DIPK1B: variants seen among roughly 807,000 people sequenced by gnomAD.
DIPK1B encodes divergent protein kinase domain 1B.
A neutral mutation model predicts 20.7 loss-of-function variants in DIPK1B; 17 were observed. That is an observed-to-expected ratio of 0.82 (90% confidence interval 0.56 to 1.23). The LOEUF is 1.23. DIPK1B is among the 50% of genes most tolerant of loss of function. DIPK1B has a pLI of 0.00. For synonymous variants in DIPK1B, 343 were observed against 276.5 expected (o/e 1.24, Z -2.39); for missense variants, 648 against 601.8 (o/e 1.08, Z -0.80).
At chr9:136,722,860 T>G (rs1436638276) in intron 4 of DIPK1B, 102 bp from the exon 5 acceptor site, 1 of 1,244,552 alleles carries the variant, frequency 8.0e-7, no homozygotes, top group Non-Finnish European at 1.1e-6. Flanking sequence ...TGTGCTGGTC[T>G]GGCCGGCAGA....
At chr9:136,718,342 CT>C (rs1304224933) in intron 2 of DIPK1B, among the ~76,000 whole-genome samples, 1 of 152,064 alleles carries the variant, frequency 6.6e-6, no homozygotes, top group Non-Finnish European at 1.5e-5. Context: ...CAGGGGTCCC[CT>C]GAGGCAGGTG....
In DIPK1B at chr9:136,722,045, G is replaced by A. The variant is rs750256638; in HGVS notation, c.306+17G>A. 3 of 1,613,368 alleles carry A rather than the reference G, an allele frequency of 1.9e-6. No homozygotes were observed. In the African/African-American group the frequency reaches 4.0e-5, roughly 22 times the overall value. Reference sequence around the variant, plus strand: ...GGCCAGCAGGTATAGCCACTGGCAGGGCGGGTGGGCCTGGGGCTGATACTG... The same window carrying A: ...GGCCAGCAGGTATAGCCACTGGCAGAGCGGGTGGGCCTGGGGCTGATACTG... On this transcript the variant is annotated intron_variant, in intron 3 of 4. Coordinates refer to ENST00000371692, the MANE Select transcript of DIPK1B (RefSeq NM_152421.4).
chr9:136,721,527 C>CATTAAAAAA, intron 2 of DIPK1B: 3 of 215,664 alleles, frequency 1.4e-5, no homozygotes, highest in Non-Finnish European at 1.9e-5. Context: ...AATTCTAGTT[C>CATTAAAAAA]ACCGGCCAAT....
rs943453702 is a variant in DIPK1B, at chr9:136,718,982, C to T, written c.198+1271C>T. 5.9e-5 allele frequency among the ~76,000 whole-genome samples: 9 copies of T among 152,136 alleles called. 1 individual carries two copies. The highest frequency in any genetic ancestry group is 4.6e-4 in the Admixed American group (7 of 15,282). ...GGCCCCTGGACCAGGCCTTGCTCACCCTTGAAGTCCAGGGGGCCTCTGAGC... is the reference window on the plus strand; with the variant it reads ...GGCCCCTGGACCAGGCCTTGCTCACTCTTGAAGTCCAGGGGGCCTCTGAGC... On this transcript the variant is annotated intron_variant, in intron 2 of 4. Coordinates refer to ENST00000371692, the MANE Select transcript of DIPK1B (RefSeq NM_152421.4).
chr9:136,722,363 C>A, intron 4 of DIPK1B, 62 bp downstream of exon 4: 1 of 1,538,340 alleles, frequency 6.5e-7, no homozygotes, highest in South Asian at 1.2e-5. Context: ...GCCCAGCAGG[C>A]GGCCCTGGCA....
At chr9:136,721,500 TATTAGGGA>T in intron 2 of DIPK1B, 4 of 194,718 alleles carry the variant, frequency 2.1e-5, no homozygotes, top group Admixed American at 5.5e-5. Flanking sequence ...GTGGTGTAGA[TATTAGGGA>T]CTAGTGTGAA....
rs534060532 is a variant in DIPK1B at position 136,716,695 on chromosome 9, C to A, written c.64-882C>A. 1.7e-3 allele frequency among the ~76,000 whole-genome samples: 259 copies of A among 152,172 alleles called. 1 individual carries two copies. The highest frequency in any genetic ancestry group is 2.6e-3 in the Non-Finnish European group (180 of 67,988). The stretch of plus-strand genomic sequence containing the variant: ...GGTTTACAGGGTGAGCCACCATGCC[C>A]GGCCCGCCTGCGTCTCTTAAAGGCT... On this transcript the variant is annotated intron_variant, in intron 1 of 4. Coordinates refer to ENST00000371692, the MANE Select transcript of DIPK1B (RefSeq NM_152421.4).
intron 2 of DIPK1B, 54 bp from the exon 3 acceptor site, chr9:136,721,867 A>G: frequency 1.3e-6 from 2 of 1,536,088 alleles, no homozygotes; most frequent in Non-Finnish European, 1.8e-6. Flanking sequence ...GCAGGGGCTC[A>G]GTGGGGCAGG....
intron 2 of DIPK1B, chr9:136,721,039 G>C (rs1322361401): frequency 6.6e-6 from 1 of 152,322 alleles, no homozygotes; most frequent in African/African-American, 2.4e-5. Context: ...ATCAGGATCT[G>C]TCGTGAGAGC....
chr9:136,712,823 G>A lies in DIPK1B; in HGVS notation c.63+95G>A. 1.1e-6 allele frequency: 1 copy of A among 890,198 alleles called. No individual in the cohort carries two copies. Among genetic ancestry groups the A allele is most frequent in the Non-Finnish European group, 1.5e-6 (1 of 681,806 alleles). 55.1% of individuals were successfully genotyped at this position (890,198 alleles called of 1,614,324 possible). On this transcript the variant is annotated intron_variant, in intron 1 of 4. Transcript: ENST00000371692. The surrounding 1 kb of genome is among the most constrained non-coding windows in gnomAD (Gnocchi z 5.6). ...GGGCCGAGTACGGAGCGGGGCCCCG[G>A]GTTCGGACACGAAGGGTTCATGAGC...
rs201627268 is a variant in DIPK1B, at chr9:136,721,901, G to T, written c.199-20G>T. On this transcript the variant is annotated intron_variant, in intron 2 of 4. Coordinates refer to ENST00000371692, the MANE Select transcript of DIPK1B (RefSeq NM_152421.4). Reference sequence around the variant, plus strand: ...GGGGTGTGGCTGCCCCGCCCGGCACGCCTGCACCTGTCTCCTCAGTGTGAC... The same window carrying T: ...GGGGTGTGGCTGCCCCGCCCGGCACTCCTGCACCTGTCTCCTCAGTGTGAC... The T allele has an allele frequency of 6.2e-7, 1 of 1,609,974 alleles. No homozygotes were observed. The highest frequency in any genetic ancestry group is 1.7e-5 in the Admixed American group (1 of 59,906).
intron 2 of DIPK1B, among the ~76,000 whole-genome samples, chr9:136,719,101 A>G (rs1846548483): frequency 7.0e-6 from 1 of 141,906 alleles, no homozygotes. Context: ...GAGCTCCTAG[A>G]AGGACCAAGG....
chr9:136,714,148 A>G (rs563734625), intron 1 of DIPK1B, among the ~76,000 whole-genome samples: 3 of 152,302 alleles, frequency 2.0e-5, no homozygotes, highest in African/African-American at 7.2e-5. Context: ...GATCCACAGC[A>G]GGGTCAGGGA....
At chr9:136,720,105 G>A (rs1846573022) in intron 2 of DIPK1B, among the ~76,000 whole-genome samples, 1 of 152,082 alleles carries the variant, frequency 6.6e-6, no homozygotes, top group Non-Finnish European at 1.5e-5. Flanking sequence ...TGTGGTCTGG[G>A]GCTCTGGGTG....
rs1846662934 is a variant in DIPK1B, at chr9:136,723,928, A to T, written c.*154A>T. 1 of 775,034 alleles carries T rather than the reference A, an allele frequency of 1.3e-6. No individual in the cohort carries two copies. Among genetic ancestry groups the T allele is most frequent in the Admixed American group, 2.8e-5 (1 of 35,148 alleles). 48.0% of individuals were successfully genotyped at this position (775,034 alleles called of 1,614,324 possible). A position where few individuals can be genotyped will look rare whatever the true frequency, so the allele number is the denominator to read the frequency against. On this transcript the variant is annotated 3_prime_UTR_variant, in exon 5 of 5. Coordinates refer to ENST00000371692, the MANE Select transcript of DIPK1B (RefSeq NM_152421.4). ...GGCTCTGGATTCCAGCACCACAGACATGAGACCCCAGCTCGGAGCAAAGGC... is the reference window on the plus strand; with the variant it reads ...GGCTCTGGATTCCAGCACCACAGACTTGAGACCCCAGCTCGGAGCAAAGGC...
intron 1 of DIPK1B, among the ~76,000 whole-genome samples, chr9:136,713,221 A>AG (rs981745498): frequency 1.3e-5 from 2 of 151,860 alleles, no homozygotes; most frequent in African/African-American, 4.8e-5. Context: ...CCGGGTCCGC[A>AG]GGGGAGGCCC....
At chr9:136,722,817 G>A (rs1846630290) in intron 4 of DIPK1B, 145 bp from the exon 5 acceptor site, 4 of 780,604 alleles carry the variant, frequency 5.1e-6, no homozygotes, top group South Asian at 1.8e-5. Flanking sequence ...CTCCACCCGT[G>A]TAGCTGTGGG....
At chr9:136,716,368 A>G (rs919190065) in intron 1 of DIPK1B, among the ~76,000 whole-genome samples, 2 of 150,858 alleles carry the variant, frequency 1.3e-5, no homozygotes, top group African/African-American at 4.9e-5. Flanking sequence ...CCCGGGTTCA[A>G]TCAATCCTCC....
At chr9:136,717,126 G>A (rs1846508774) in intron 1 of DIPK1B, among the ~76,000 whole-genome samples, 3 of 152,002 alleles carry the variant, frequency 2.0e-5, no homozygotes. Context: ...TTACTCGGGA[G>A]GCTGACGCAG....
Sources: allele counts gnomAD v4.1 joint callset (sites outside exome capture counted in the v4.1 genomes callset), GRCh38; gene constraint gnomAD v4.1.1; non-coding constraint Gnocchi (gnomAD v3.1); transcripts MANE v1.5; gene names NCBI Gene and HGNC (gene_info 2026-07-23, HGNC 2026-07-21).